The following ARID1B variants were observed in gnomAD, a reference collection of about 807,000 sequenced individuals.
ARID1B encodes AT-rich interaction domain 1B, also known as AT-rich interactive domain-containing protein 1B.
A neutral mutation model predicts 212.3 loss-of-function variants in ARID1B; 30 were observed. The ratio of observed to expected loss-of-function variants is 0.14; its 90% CI spans 0.11 to 0.19. The LOEUF is 0.19. ARID1B is among the 10% of genes least tolerant of loss of function. ARID1B has a pLI of 1.00. For synonymous variants in ARID1B, 1,402 were observed against 1,301.7 expected, an observed-to-expected ratio of 1.08 and a Z score of -1.66; for missense variants, 2,891 against 3,204.0, an observed-to-expected ratio of 0.90 and a Z score of 2.36.
rs146192623 is a variant in ARID1B at position 157,206,772 on chromosome 6, C to A, written c.6000C>A (p.Ile2000=). 1.2e-6 allele frequency: 2 copies of A among 1,613,696 alleles called. No individual in the cohort carries two copies. Among genetic ancestry groups the A allele is most frequent in the Admixed American group, 1.7e-5 (1 of 60,028 alleles). Residue 2000 remains isoleucine, a synonymous_variant, in exon 20 of 20, where the codon ATC becomes ATA. Coordinates refer to ENST00000636930, the MANE Select transcript of ARID1B (RefSeq NM_001374828.1). This position sits in a 1 kb window ranked among gnomAD's most constrained non-coding sequence, Gnocchi z 6.8. ...AAGAGAAAAGCATCATAGCAACCAT[C>A]GATGACGTCCTCTCTGCTCGGCCAG... The part of the protein sequence containing the change: ...EQQEKSIIAT[I]DDVLSARPGA...
intron 1 of ARID1B, among the ~76,000 whole-genome samples, chr6:156,803,962 G>A (rs555218519): frequency 2.4e-4 from 36 of 152,246 alleles, no homozygotes; most frequent in African/African-American, 8.4e-4. Flanking sequence ...TGTGAAATAA[G>A]TGTTCATTAA....
intron 3 of ARID1B, among the ~76,000 whole-genome samples, chr6:156,926,444 G>A (rs972132637): frequency 2.0e-5 from 3 of 152,214 alleles, no homozygotes; most frequent in Non-Finnish European, 4.4e-5. Flanking sequence ...GGAGGTTGGA[G>A]GCATAGTTTT....
rs547763668 is a variant in ARID1B, at chr6:157,057,527, G to A, written c.2248-27135G>A. The stretch of plus-strand genomic sequence containing the variant: ...TGGCTTTGAACTCCTAGGCCCAAAC[G>A]ATCCTCCCACCTCAGCCTCCCAAGT... On this transcript the variant is annotated intron_variant, in intron 4 of 19. Coordinates refer to ENST00000636930, the MANE Select transcript of ARID1B (RefSeq NM_001374828.1). Among the ~76,000 whole-genome samples, 7 of 151,526 alleles carry A rather than the reference G, an allele frequency of 4.6e-5. No homozygotes were observed. In the South Asian group the frequency reaches 1.3e-3, roughly 27 times the overall value.
In ARID1B at chr6:156,993,824, G is replaced by GATA. The variant is rs202009884; in HGVS notation, c.2247+58252_2247+58254dup. ...TCTTAAATTTCTGTTGATAAATATG[G>GATA]ATAATATGTCCAAAAATTTATAAAA... On this transcript the variant is annotated intron_variant, in intron 4 of 19. Transcript: ENST00000636930. 2.6e-3 allele frequency among the ~76,000 whole-genome samples: 400 copies of GATA among 152,240 alleles called. 3 individuals are homozygous for GATA. The highest frequency in any genetic ancestry group is 8.7e-3 in the African/African-American group (362 of 41,520).
chr6:157,082,791 A>G (rs569534760), intron 4 of ARID1B, among the ~76,000 whole-genome samples: 25 of 152,306 alleles, frequency 1.6e-4, no homozygotes, highest in South Asian at 1.2e-3. Context: ...GTTGTTTCCC[A>G]TAAGCACAGT....
At chr6:156,912,012 G>T (rs1028717843) in intron 3 of ARID1B, among the ~76,000 whole-genome samples, 1 of 152,080 alleles carries the variant, frequency 6.6e-6, no homozygotes, top group Non-Finnish European at 1.5e-5. Flanking sequence ...AGTAAAAACT[G>T]GTAAGAAAGT....
At chr6:156,978,597 T>A (rs1429797393) in intron 4 of ARID1B, among the ~76,000 whole-genome samples, 2 of 152,210 alleles carry the variant, frequency 1.3e-5, no homozygotes, top group Non-Finnish European at 2.9e-5. Context: ...AAACCTTTGT[T>A]CTTGTGTGAT....
chr6:156,843,087 G>A (rs1360187720), intron 2 of ARID1B, among the ~76,000 whole-genome samples: 13 of 152,138 alleles, frequency 8.5e-5, no homozygotes, highest in Admixed American at 6.5e-4. Flanking sequence ...GTGTTAGTAC[G>A]CGGTAGCACC....
At chr6:157,149,106 G>A (rs1790015364) in intron 8 of ARID1B, 155 bp downstream of exon 8, 1 of 751,792 alleles carries the variant, frequency 1.3e-6, no homozygotes, top group Non-Finnish European at 2.1e-6. Flanking sequence ...ATATTCTGTA[G>A]CATCGAGGTC....
Position 157,171,517 on chromosome 6 carries a change from G to A in ARID1B, c.3236-2491G>A, listed in dbSNP as rs147639575. Among the ~76,000 whole-genome samples the A allele has an allele frequency of 7.0e-4, 107 of 152,236 alleles. No homozygotes were observed. The East Asian group carries it at 0.018, about 26-fold the overall frequency. ...AATTCTGGTAAGAAGTCAAAAATAA[G>A]CATTTAAATAAAAAGAATAGTAAAA... On this transcript the variant is annotated intron_variant, in intron 9 of 19. Coordinates refer to ENST00000636930, the MANE Select transcript of ARID1B (RefSeq NM_001374828.1).
At chr6:156,896,122 GT>G (rs1207997957) in intron 2 of ARID1B, among the ~76,000 whole-genome samples, 6 of 152,148 alleles carry the variant, frequency 3.9e-5, no homozygotes, top group Non-Finnish European at 5.9e-5. Flanking sequence ...TTTACCTTCT[GT>G]CTTAGAGTTA....
At chr6:157,050,912 A>G (rs1372486021) in intron 4 of ARID1B, among the ~76,000 whole-genome samples, 1 of 152,236 alleles carries the variant, frequency 6.6e-6, no homozygotes, top group Admixed American at 6.5e-5. Flanking sequence ...CCTTTTACAT[A>G]GGAGGCCTAG....
chr6:156,906,719 C>T (rs1286118395), intron 3 of ARID1B, among the ~76,000 whole-genome samples: 4 of 152,140 alleles, frequency 2.6e-5, no homozygotes, highest in Non-Finnish European at 5.9e-5. Context: ...TTTTCCAATG[C>T]TTGCCTTTGC....
chr6:156,793,962 A>T (rs1369811695), intron 1 of ARID1B, among the ~76,000 whole-genome samples: 1 of 152,244 alleles, frequency 6.6e-6, no homozygotes. Context: ...TATTTTATAG[A>T]CAAGGAAACT....
chr6:157,045,831 CAAACTT>C (rs1223068587), intron 4 of ARID1B, among the ~76,000 whole-genome samples: 4 of 152,054 alleles, frequency 2.6e-5, no homozygotes, highest in Non-Finnish European at 2.9e-5. Context: ...AATATTGACT[CAAACTT>C]AAAATTATAG....
chr6:156,784,158 G>A (rs1361707283), intron 1 of ARID1B, among the ~76,000 whole-genome samples: 2 of 151,842 alleles, frequency 1.3e-5, no homozygotes, highest in Non-Finnish European at 2.9e-5. Context: ...GGTTTTGGTT[G>A]CATGCCTTTT....
intron 4 of ARID1B, among the ~76,000 whole-genome samples, chr6:157,046,830 A>G (rs2128544570): frequency 6.6e-6 from 1 of 152,234 alleles, no homozygotes; most frequent in South Asian, 2.1e-4. Flanking sequence ...ACTTTTCAGC[A>G]TTTTTCTCAA....
chr6:157,134,389 A>G (rs940601527), intron 7 of ARID1B, among the ~76,000 whole-genome samples: 1 of 152,190 alleles, frequency 6.6e-6, no homozygotes, highest in African/African-American at 2.4e-5. Flanking sequence ...GGGCTTTGTT[A>G]TATTTACTTT....
chr6:157,170,856 A>C (rs918787522), intron 9 of ARID1B, among the ~76,000 whole-genome samples: 1 of 152,182 alleles, frequency 6.6e-6, no homozygotes, highest in African/African-American at 2.4e-5. Flanking sequence ...TGTGTGTGTT[A>C]CCTTCACAGT....
Sources: gnomAD v4.1 joint callset for allele counts (sites outside exome capture counted in the v4.1 genomes callset) on GRCh38, gnomAD v4.1.1 for gene constraint, Gnocchi (gnomAD v3.1) non-coding constraint, MANE v1.5 for transcripts, NCBI Gene and HGNC (gene_info 2026-07-23, HGNC 2026-07-21) for gene names.